Variants in CACNG3 observed in about 807,000 individuals in gnomAD.
The protein encoded by CACNG3 is voltage-dependent calcium channel gamma-3 subunit.
Under a neutral mutation model 28.5 loss-of-function variants are expected in CACNG3, and 3 were observed. That is an observed-to-expected ratio of 0.11 (90% CI 0.05 to 0.27). The LOEUF (loss-of-function observed/expected upper bound fraction) is 0.27, where lower values mean the gene tolerates loss of function less well. Among genes scored for constraint, CACNG3 ranks in the 10% least tolerant of loss-of-function variants. CACNG3 has a pLI of 1.00. For synonymous variants in CACNG3, 174 were observed against 162.2 expected (o/e 1.07, Z -0.55); for missense variants, 236 against 414.4 (o/e 0.57, Z 3.74).
At chr16:24,343,430 A>G (rs549538886) in intron 1 of CACNG3, among the ~76,000 whole-genome samples, 21 of 152,260 alleles carry the variant, frequency 1.4e-4, no homozygotes, top group African/African-American at 5.1e-4. Flanking sequence ...TCTTTCGTGG[A>G]AAACAGCAAA....
chr16:24,349,095 T>C (rs951824782), intron 2 of CACNG3, among the ~76,000 whole-genome samples: 1 of 152,234 alleles, frequency 6.6e-6, no homozygotes, highest in African/African-American at 2.4e-5. Flanking sequence ...TCCAGCCACG[T>C]AGGGCTGGGA....
intron 1 of CACNG3, among the ~76,000 whole-genome samples, chr16:24,275,983 A>G (rs1898748841): frequency 6.6e-6 from 1 of 152,252 alleles, no homozygotes; most frequent in African/African-American, 2.4e-5. Flanking sequence ...CCTTTAAGGA[A>G]CTACCACTTG....
At chr16:24,343,055 G>A (rs941931765) in intron 1 of CACNG3, among the ~76,000 whole-genome samples, 3 of 152,074 alleles carry the variant, frequency 2.0e-5, no homozygotes, top group Admixed American at 6.6e-5. Context: ...TGGGCATAGT[G>A]GTGCATGCCT....
intron 2 of CACNG3, among the ~76,000 whole-genome samples, chr16:24,352,787 G>A (rs968316784): frequency 1.3e-5 from 2 of 151,836 alleles, no homozygotes; most frequent in Non-Finnish European, 2.9e-5. Context: ...TGTTCCTCCC[G>A]CCTCAGCCTC....
intron 1 of CACNG3, 99 bp downstream of exon 1, chr16:24,257,064 G>A (rs1898468175): frequency 1.3e-6 from 1 of 773,984 alleles, no homozygotes; most frequent in Non-Finnish European, 2.2e-6. Context: ...AAGAAGAGAA[G>A]TTCAAATTAT....
intron 1 of CACNG3, among the ~76,000 whole-genome samples, chr16:24,276,544 T>A (rs185923855): frequency 6.6e-6 from 1 of 152,250 alleles, no homozygotes; most frequent in Admixed American, 6.5e-5. Flanking sequence ...GATTTCCTTC[T>A]AGTTCTGTCT....
chr16:24,311,722 G>C (rs1421570872), intron 1 of CACNG3, among the ~76,000 whole-genome samples: 1 of 150,946 alleles, frequency 6.6e-6, no homozygotes, highest in Non-Finnish European at 1.5e-5. Context: ...TGGGCATGGT[G>C]GCGGATGCCT....
At chr16:24,346,849 G>A (rs762744084) in intron 2 of CACNG3, 32 bp downstream of exon 2, 11 of 1,563,444 alleles carry the variant, frequency 7.0e-6, no homozygotes, top group African/African-American at 1.3e-5. Flanking sequence ...GTCTCTCTGG[G>A]AGGAAGGGAT....
chr16:24,283,322 C>T (rs146294864), intron 1 of CACNG3, among the ~76,000 whole-genome samples: 13 of 152,266 alleles, frequency 8.5e-5, no homozygotes, highest in East Asian at 7.7e-4. Flanking sequence ...ATTGAGACTT[C>T]GCATTTAACA....
intron 1 of CACNG3, among the ~76,000 whole-genome samples, chr16:24,264,247 GAGTT>G (rs1330394422): frequency 6.6e-6 from 1 of 152,234 alleles, no homozygotes; most frequent in Non-Finnish European, 1.5e-5. Flanking sequence ...TAGGGGCTGA[GAGTT>G]AGCCCACGCT....
chr16:24,297,858 AT>A (rs369716677), intron 1 of CACNG3, among the ~76,000 whole-genome samples: 48 of 151,868 alleles, frequency 3.2e-4, no homozygotes, highest in African/African-American at 5.8e-4. Flanking sequence ...ATTTTTCTGC[AT>A]TTTTTTTAGT....
intron 1 of CACNG3, among the ~76,000 whole-genome samples, chr16:24,258,550 A>C (rs1431637163): frequency 6.6e-6 from 1 of 152,222 alleles, no homozygotes; most frequent in Admixed American, 6.5e-5. Context: ...TACTGACAGA[A>C]ATTCTAGAAT....
chr16:24,289,099 G>A (rs897338697), intron 1 of CACNG3, among the ~76,000 whole-genome samples: 8 of 152,198 alleles, frequency 5.3e-5, no homozygotes, highest in Middle Eastern at 3.4e-3. Context: ...TAAGGAAACC[G>A]CATGTCTACA....
At chr16:24,257,388 A>C (rs1177239531) in intron 1 of CACNG3, among the ~76,000 whole-genome samples, 1 of 114,690 alleles carries the variant, frequency 8.7e-6, no homozygotes, top group Non-Finnish European at 1.9e-5. Context: ...AGAGAGAGAG[A>C]GAGAGAGAGA....
chr16:24,306,371 A>G (rs1899185730), intron 1 of CACNG3, among the ~76,000 whole-genome samples: 1 of 152,220 alleles, frequency 6.6e-6, no homozygotes, highest in South Asian at 2.1e-4. Flanking sequence ...CAGGAGCAGA[A>G]AGCTGCTAAG....
chr16:24,303,683 G>A (rs190713663), intron 1 of CACNG3, among the ~76,000 whole-genome samples: 3 of 152,194 alleles, frequency 2.0e-5, no homozygotes, highest in East Asian at 1.9e-4. Context: ...ATTGGGAGGC[G>A]GAGACAGGTG....
chr16:24,315,590 A>G (rs1184647704), intron 1 of CACNG3, among the ~76,000 whole-genome samples: 1 of 60,254 alleles, frequency 1.7e-5, no homozygotes, highest in Non-Finnish European at 3.6e-5. Context: ...CTCTTTCTTT[A>G]TCTCTTTCTT....
chr16:24,360,111 G>A (rs185888847), intron 3 of CACNG3, among the ~76,000 whole-genome samples: 2 of 152,280 alleles, frequency 1.3e-5, no homozygotes. Context: ...AAACTATAAT[G>A]AGGGACAACC....
chr16:24,280,939 T>A (rs1567209438), intron 1 of CACNG3, among the ~76,000 whole-genome samples: 1 of 151,820 alleles, frequency 6.6e-6, no homozygotes, highest in African/African-American at 2.4e-5. Context: ...TTCATTCAGT[T>A]GGAAGTGACA....
Sources: gnomAD v4.1 joint callset for allele counts (sites outside exome capture counted in the v4.1 genomes callset) on GRCh38, gnomAD v4.1.1 for gene constraint, MANE v1.5 for transcripts, NCBI Gene and HGNC (gene_info 2026-07-23, HGNC 2026-07-21) for gene names.